ITGBL1: variants seen among roughly 807,000 people sequenced by gnomAD.
ITGBL1 encodes the protein integrin subunit beta like 1, also known as integrin beta-like protein 1.
ITGBL1 carries 51 observed loss-of-function variants against 68.5 expected under a neutral mutation model. That is an observed-to-expected ratio of 0.74 (90% CI 0.59 to 0.94). The LOEUF is 0.94. ITGBL1 is among the 40% of genes least tolerant of loss of function. ITGBL1 has a pLI of 0.00. For synonymous variants in ITGBL1, 209 were observed against 227.3 expected (o/e 0.92, Z 0.72); for missense variants, 649 against 647.4 (o/e 1.00, Z -0.03).
intron 7 of ITGBL1, among the ~76,000 whole-genome samples, chr13:101,668,211 A>T (rs2033270306): frequency 6.6e-6 from 1 of 152,174 alleles, no homozygotes; most frequent in African/African-American, 2.4e-5. Context: ...AACATGGTGA[A>T]AACCTGTCTC....
intron 6 of ITGBL1, among the ~76,000 whole-genome samples, chr13:101,587,348 T>C (rs929779532): frequency 6.6e-6 from 1 of 152,232 alleles, no homozygotes; most frequent in Non-Finnish European, 1.5e-5. Context: ...TGTGTGTTTG[T>C]GTATGTTCAT....
At chr13:101,512,892 A>C (rs535128428) in intron 2 of ITGBL1, among the ~76,000 whole-genome samples, 1 of 152,142 alleles carries the variant, frequency 6.6e-6, no homozygotes, top group Non-Finnish European at 1.5e-5. Context: ...GTACCAGGAC[A>C]TAGCAGTGGT....
intron 2 of ITGBL1, among the ~76,000 whole-genome samples, chr13:101,543,463 C>T (rs9557692): frequency 0.8 from 121,951 of 151,504 alleles, 49,177 homozygotes; most frequent in African/African-American, 0.87. Context: ...GTGGGTAACC[C>T]TACCTTTCTC....
intron 7 of ITGBL1, among the ~76,000 whole-genome samples, chr13:101,613,506 TG>T (rs1364806879): frequency 6.6e-6 from 1 of 152,126 alleles, no homozygotes; most frequent in Non-Finnish European, 1.5e-5. Flanking sequence ...AGATGAAGTC[TG>T]GGGGCTGCTG....
chr13:101,494,636 A>G lies in ITGBL1; in HGVS notation c.316+40536A>G, dbSNP rs542265833. On this transcript the variant is annotated intron_variant, in intron 2 of 10. Transcript: ENST00000376180. ...GCTATAATAGCCAAGTGTTATAGGC[A>G]AATTGTGTATCCAATAATATAAAAT... Among the ~76,000 whole-genome samples, 550 of 152,336 alleles carry G rather than the reference A, an allele frequency of 3.6e-3. 3 individuals carry two copies. Among genetic ancestry groups the G allele is most frequent in the Middle Eastern group, 0.014 (4 of 294 alleles).
chr13:101,637,747 A>T (rs927700554), intron 7 of ITGBL1, among the ~76,000 whole-genome samples: 3 of 152,220 alleles, frequency 2.0e-5, no homozygotes, highest in African/African-American at 7.2e-5. Context: ...CCTTTGGTTT[A>T]CATGGGCATA....
rs1365962007 is a variant in ITGBL1, at chr13:101,627,219, G to GT, written c.1015+28927dup. On this transcript the variant is annotated intron_variant, in intron 7 of 10. Transcript: ENST00000376180. Reference sequence around the variant, plus strand: ...TAATTTTTTTTTATATTTCTTACAAGTTTTTTTGGAATTATGACCACAGAC... The same window carrying GT: ...TAATTTTTTTTTATATTTCTTACAAGTTTTTTTTGGAATTATGACCACAGAC... Among the ~76,000 whole-genome samples, 5 of 152,032 alleles carry GT rather than the reference G, an allele frequency of 3.3e-5. No individual in the cohort carries two copies. In the South Asian group the frequency reaches 8.3e-4, roughly 25 times the overall value.
chr13:101,458,679 A>G (rs1432861804), intron 2 of ITGBL1, among the ~76,000 whole-genome samples: 2 of 152,234 alleles, frequency 1.3e-5, no homozygotes, highest in African/African-American at 4.8e-5. Context: ...TGTAACCTAT[A>G]CACATCCTCT....
At chr13:101,470,303 CA>C in intron 2 of ITGBL1, among the ~76,000 whole-genome samples, 1 of 152,008 alleles carries the variant, frequency 6.6e-6, no homozygotes, top group Non-Finnish European at 1.5e-5. Flanking sequence ...ATAATATAGG[CA>C]TTACTATTTT....
intron 6 of ITGBL1, among the ~76,000 whole-genome samples, chr13:101,591,936 C>T (rs2050662848): frequency 6.6e-6 from 1 of 152,084 alleles, no homozygotes; most frequent in Admixed American, 6.5e-5. Flanking sequence ...CTGATGAATA[C>T]AAAAACCAGT....
intron 6 of ITGBL1, among the ~76,000 whole-genome samples, chr13:101,588,783 A>G (rs1232256024): frequency 1.3e-5 from 2 of 151,930 alleles, no homozygotes; most frequent in Admixed American, 6.6e-5. Flanking sequence ...TCTTCTATAT[A>G]GCAAAACCCA....
At chr13:101,587,961 A>T (rs904785245) in intron 6 of ITGBL1, among the ~76,000 whole-genome samples, 2 of 151,694 alleles carry the variant, frequency 1.3e-5, no homozygotes, top group Admixed American at 1.3e-4. Context: ...GCATTTTTTG[A>T]TCCTTTAAAA....
intron 1 of ITGBL1, among the ~76,000 whole-genome samples, chr13:101,453,174 T>C (rs1256277951): frequency 2.0e-5 from 3 of 152,222 alleles, no homozygotes; most frequent in Admixed American, 1.3e-4. Flanking sequence ...TTTCTGCAAA[T>C]ACATATCAGG....
intron 7 of ITGBL1, among the ~76,000 whole-genome samples, chr13:101,648,516 A>G (rs2032638098): frequency 6.6e-6 from 1 of 152,210 alleles, no homozygotes; most frequent in Non-Finnish European, 1.5e-5. Flanking sequence ...GATGCCTGAT[A>G]GCACCACTTG....
At chr13:101,452,969 C>G (rs939053543) in intron 1 of ITGBL1, 38 bp downstream of exon 1, 5 of 1,538,260 alleles carry the variant, frequency 3.3e-6, no homozygotes, top group Non-Finnish European at 4.5e-6. Context: ...CAGACCTGCC[C>G]TGCTTATGTG....
chr13:101,597,701 C>A (rs539646864), intron 6 of ITGBL1, among the ~76,000 whole-genome samples: 35 of 152,046 alleles, frequency 2.3e-4, no homozygotes, highest in African/African-American at 8.4e-4. Context: ...TACAGGTGCA[C>A]GCCACCATGC....
chr13:101,611,753 C>G (rs2031139170), intron 7 of ITGBL1, among the ~76,000 whole-genome samples: 1 of 152,018 alleles, frequency 6.6e-6, no homozygotes, highest in Admixed American at 6.6e-5. Context: ...TCCCTTTAAC[C>G]TCTCTTTGCA....
intron 2 of ITGBL1, among the ~76,000 whole-genome samples, chr13:101,473,687 G>A (rs1311215874): frequency 6.6e-6 from 1 of 152,182 alleles, no homozygotes; most frequent in East Asian, 1.9e-4. Context: ...AGCCAAGGGA[G>A]TGTGTGCATC....
At chr13:101,562,067 G>A (rs1021458075) in intron 2 of ITGBL1, among the ~76,000 whole-genome samples, 3 of 152,042 alleles carry the variant, frequency 2.0e-5, no homozygotes, top group Admixed American at 2.0e-4. Context: ...AAAGAGCTGG[G>A]AATTTAATGT....
Sources: gnomAD v4.1 joint callset for allele counts (sites outside exome capture counted in the v4.1 genomes callset) on GRCh38, gnomAD v4.1.1 for gene constraint, MANE v1.5 for transcripts, NCBI Gene and HGNC (gene_info 2026-07-23, HGNC 2026-07-21) for gene names.